FREM2: variants seen among roughly 807,000 people sequenced by gnomAD.
FREM2 encodes FRAS1-related extracellular matrix protein 2.
FREM2 carries 119 observed loss-of-function variants against 219.9 expected under a neutral mutation model. That is an observed-to-expected ratio of 0.54 (90% CI 0.47 to 0.63). The LOEUF (loss-of-function observed/expected upper bound fraction) is 0.63. FREM2 is among the 30% of genes least tolerant of loss of function. The probability of loss-of-function intolerance (pLI) is 0.00; values close to 1 mark genes in which losing one functional copy is unlikely to be tolerated. For missense variants in FREM2, 4,030 were observed against 3,993.6 expected (o/e 1.01, Z -0.25); for synonymous variants, 1,562 against 1,522.8 (o/e 1.03, Z -0.60).
At chr13:38,703,301 G>GA (rs1870412213) in intron 2 of FREM2, among the ~76,000 whole-genome samples, 1 of 152,110 alleles carries the variant, frequency 6.6e-6, no homozygotes, top group African/African-American at 2.4e-5. Flanking sequence ...TCAGCTCAGA[G>GA]AAAAAAGCAA....
rs200508468 is a variant in FREM2, at chr13:38,846,661, C to T, written c.6108C>T (p.Asp2036=). 3.8e-5 allele frequency: 61 copies of T among 1,613,812 alleles called. 1 individual carries two copies. The South Asian group carries it at 5.7e-4, about 15-fold the overall frequency. Residue 2036 remains aspartate, a synonymous_variant, in exon 7 of 24, where the codon GAC becomes GAT. Transcript: ENST00000280481. ...TGCAGGTGTGGAGAACGGGCACTGACCTGTCCAAGTCTTCTAGTGTCACAG... is the reference window on the plus strand; with the variant it reads ...TGCAGGTGTGGAGAACGGGCACTGATCTGTCCAAGTCTTCTAGTGTCACAG... The part of the protein sequence containing the change: ...VEVQVWRTGT[D]LSKSSSVTVR...
rs1206305785 is a variant in FREM2, at chr13:38,691,517, G to A, written c.4173G>A (p.Arg1391=). ...QYVHLGQEGI[R]DLIKFDVTDG... is the part of the protein sequence containing the mutation. ...TCCATTTGGGGCAAGAGGGCATTCG[G>A]GACCTAATTAAATTTGATGTGACTG... The change falls in exon 1 of 24, where the codon CGG becomes CGA. Residue 1391 remains arginine, a synonymous_variant. Transcript: ENST00000280481. The A allele has an allele frequency of 3.7e-6, 6 of 1,613,974 alleles. No homozygotes were observed. Among genetic ancestry groups the A allele is most frequent in the South Asian group, 1.1e-5 (1 of 91,072 alleles).
chr13:38,693,554 A>G (rs1869987210), intron 1 of FREM2, among the ~76,000 whole-genome samples: 2 of 152,156 alleles, frequency 1.3e-5, no homozygotes, highest in Non-Finnish European at 2.9e-5. Flanking sequence ...AGAACATGCA[A>G]CTTTCATTAC....
intron 1 of FREM2, 35 bp from the exon 2 acceptor site, chr13:38,697,663 G>A (rs754646495): frequency 8.5e-6 from 10 of 1,173,544 alleles, no homozygotes; most frequent in Non-Finnish European, 1.3e-5. Context: ...TTTTACTCTG[G>A]TAATTAATCA....
chr13:38,869,099 C>T (rs1364776179), intron 16 of FREM2, among the ~76,000 whole-genome samples: 3 of 152,224 alleles, frequency 2.0e-5, no homozygotes, highest in Non-Finnish European at 4.4e-5. Context: ...TGTGCAAACA[C>T]ATTTTATCAA....
At chr13:38,712,674 ACAAACAC>A (rs1322828827) in intron 2 of FREM2, among the ~76,000 whole-genome samples, 4 of 143,256 alleles carry the variant, frequency 2.8e-5, no homozygotes, top group South Asian at 2.3e-4. Context: ...ACACACACAC[ACAAACAC>A]ACACACACAC....
chr13:38,841,165 A>G (rs1445737489), intron 6 of FREM2, among the ~76,000 whole-genome samples: 1 of 152,212 alleles, frequency 6.6e-6, no homozygotes, highest in African/African-American at 2.4e-5. Flanking sequence ...GGTGGTTGTG[A>G]GGATGAAATA....
At chr13:38,876,423 C>A (rs190729928) in intron 20 of FREM2, 41 bp downstream of exon 20, 3 of 1,573,406 alleles carry the variant, frequency 1.9e-6, no homozygotes, top group East Asian at 4.5e-5. Context: ...TTGCAGAATC[C>A]CACTTTGTTT....
chr13:38,695,780 G>C (rs918705378), intron 1 of FREM2, among the ~76,000 whole-genome samples: 2 of 151,814 alleles, frequency 1.3e-5, no homozygotes, highest in Non-Finnish European at 2.9e-5. Context: ...TCTTACCCTG[G>C]CAGAAACATC....
Position 38,859,437 on chromosome 13 carries a change from G to A in FREM2, c.7366G>A (p.Asp2456Asn), listed in dbSNP as rs138539682. The A allele has an allele frequency of 5.1e-4, 822 of 1,614,062 alleles. 1 individual carries two copies. The highest frequency in any genetic ancestry group is 6.6e-4 in the Non-Finnish European group (776 of 1,180,006). The stretch of plus-strand genomic sequence containing the variant: ...CAGCCCTATGAGAGAAGTGGACTTC[G>A]ACACCTTTTTTACGTCATCCAAGAT... ...VTSPMREVDF[D>N]TFFTSSKMVT... Residue 2456 changes from aspartate (D) to asparagine (N), a missense_variant, in exon 14 of 24, where the codon GAC becomes AAC. By Grantham distance (23) the Asp-to-Asn change is conservative. Transcript: ENST00000280481.
chr13:38,874,392 G>T, intron 17 of FREM2, 90 bp from the exon 18 acceptor site: 1 of 1,024,806 alleles, frequency 9.8e-7, no homozygotes, highest in Non-Finnish European at 1.5e-6. Flanking sequence ...TTAAAGACAA[G>T]TCAAACCTGA....
chr13:38,825,020 A>G (rs1296042490), intron 6 of FREM2, among the ~76,000 whole-genome samples: 3 of 152,108 alleles, frequency 2.0e-5, no homozygotes, highest in Non-Finnish European at 2.9e-5. Flanking sequence ...CCTCACTGCC[A>G]TAATTTTCTC....
At chr13:38,778,160 T>G (rs2137824012) in intron 4 of FREM2, among the ~76,000 whole-genome samples, 1 of 152,336 alleles carries the variant, frequency 6.6e-6, no homozygotes, top group Admixed American at 6.5e-5. Flanking sequence ...CAGTATAGAT[T>G]AGAAGTATAG....
chr13:38,811,402 T>C (rs1875469925), intron 6 of FREM2, among the ~76,000 whole-genome samples: 1 of 152,136 alleles, frequency 6.6e-6, no homozygotes, highest in Non-Finnish European at 1.5e-5. Context: ...GGTTATTTAT[T>C]TGAAGTTTTT....
intron 3 of FREM2, among the ~76,000 whole-genome samples, chr13:38,765,002 C>T (rs1411620979): frequency 1.3e-5 from 2 of 152,164 alleles, no homozygotes; most frequent in Non-Finnish European, 2.9e-5. Context: ...GCTCCGCCTC[C>T]CAGGTTCACG....
Position 38,743,851 on chromosome 13 carries a change from A to G in FREM2, c.5264-20453A>G, listed in dbSNP as rs547579292. Among the ~76,000 whole-genome samples the G allele has an allele frequency of 3.3e-5, 5 of 152,350 alleles. No individual in the cohort carries two copies. In the East Asian group the frequency reaches 7.7e-4, roughly 23 times the overall value. On this transcript the variant is annotated intron_variant, in intron 2 of 23. Coordinates refer to ENST00000280481, the MANE Select transcript of FREM2 (RefSeq NM_207361.6). ...CTAGCGTCAGCATAGTGCCAAGCCT[A>G]TAATATCTACTCTCAGTGATTTGTA...
chr13:38,866,078 T>G (rs1295674935), intron 16 of FREM2, among the ~76,000 whole-genome samples: 1 of 152,212 alleles, frequency 6.6e-6, no homozygotes, highest in Non-Finnish European at 1.5e-5. Context: ...CATTACTAAA[T>G]TATTTCTATT....
intron 6 of FREM2, among the ~76,000 whole-genome samples, chr13:38,806,400 A>G (rs534892450): frequency 6.6e-6 from 1 of 151,946 alleles, no homozygotes; most frequent in South Asian, 2.1e-4. Flanking sequence ...ATATGTCTGT[A>G]ATACCTCAGA....
In FREM2 at chr13:38,687,661, C is replaced by A. The variant is rs1363750242; in HGVS notation, c.317C>A (p.Ala106Glu). Reference sequence around the variant, plus strand: ...CAGGTGCAGCCCGGGGACCGCTGCGCGGTTTCGGTACTAGACAACGACGCA... The same window carrying A: ...CAGGTGCAGCCCGGGGACCGCTGCGAGGTTTCGGTACTAGACAACGACGCA... Reference protein sequence around the residue: ...VLQVQPGDRCAVSVLDNDALA... With the variant: ...VLQVQPGDRCEVSVLDNDALA... Residue 106 changes from alanine to glutamate, a missense_variant, in exon 1 of 24, where the codon GCG becomes GAG. Around this residue, in one of 2 missense-constraint regions of FREM2, gnomAD observed 3,102 missense variants for 2,950.7 expected, o/e 1.05. Coordinates refer to ENST00000280481, the MANE Select transcript of FREM2 (RefSeq NM_207361.6). 6.2e-7 allele frequency: 1 copy of A among 1,605,390 alleles called. No individual in the cohort carries two copies. Among genetic ancestry groups the A allele is most frequent in the Admixed American group, 1.7e-5 (1 of 59,564 alleles).
Sources: allele counts gnomAD v4.1 joint callset (sites outside exome capture counted in the v4.1 genomes callset), GRCh38; gene constraint gnomAD v4.1.1; regional missense constraint gnomAD v4.1.1; transcripts MANE v1.5; gene names NCBI Gene and HGNC (gene_info 2026-07-23, HGNC 2026-07-21).